The following SLC6A7 variants were observed in gnomAD, a reference collection of about 807,000 sequenced individuals.
SLC6A7 encodes the protein solute carrier family 6 member 7.
SLC6A7 carries 58 observed loss-of-function variants against 73.1 expected under a neutral mutation model. The ratio of observed to expected loss-of-function variants is 0.79; its 90% CI spans 0.64 to 0.99. The LOEUF (loss-of-function observed/expected upper bound fraction) is 0.99. Ranked by LOEUF, SLC6A7 falls within the 50% of genes least tolerant of loss-of-function variation. SLC6A7 has a pLI of 0.00. For missense variants in SLC6A7, 783 were observed against 831.4 expected (o/e 0.94, Z 0.72); for synonymous variants, 338 against 338.7 (o/e 1.00, Z 0.02).
chr5:150,199,389 G>A (rs1753254597), intron 5 of SLC6A7, 23 bp downstream of exon 5: 1 of 1,584,388 alleles, frequency 6.3e-7, no homozygotes, highest in Non-Finnish European at 8.7e-7. Context: ...AGGCCCCGGA[G>A]GCCTGAGGGG....
chr5:150,204,833 A>T lies in SLC6A7; in HGVS notation c.1439A>T (p.Gln480Leu). ...CLAVTRVYGI[Q>L]RFCRDIHMML... Reference sequence around the variant, plus strand: ...CCTCCCCTCCCCTGTGCAGGCATTCAGAGGTTCTGCCGAGACATCCACATG... The same window carrying T: ...CCTCCCCTCCCCTGTGCAGGCATTCTGAGGTTCTGCCGAGACATCCACATG... The change falls in exon 12 of 14, where the codon CAG becomes CTG. Residue 480 changes from glutamine to leucine, a missense_variant. Transcript: ENST00000230671. 6.2e-7 allele frequency: 1 copy of T among 1,607,212 alleles called. No homozygotes were observed. Among genetic ancestry groups the T allele is most frequent in the Non-Finnish European group, 8.5e-7 (1 of 1,174,990 alleles).
At chr5:150,198,961 TGAAGAGGAAGGAA>T (rs796960454) in intron 4 of SLC6A7, among the ~76,000 whole-genome samples, 29 of 151,898 alleles carry the variant, frequency 1.9e-4, no homozygotes, top group African/African-American at 6.5e-4. Flanking sequence ...ACACGGAAGC[TGAAGAGGAAGGAA>T]GAAGAGGAAG....
At chr5:150,198,811 GGTGTGTGTGTGTGT>G (rs774414750) in intron 4 of SLC6A7, among the ~76,000 whole-genome samples, 23 of 112,102 alleles carry the variant, frequency 2.1e-4, no homozygotes, top group South Asian at 6.5e-4. Flanking sequence ...GGCCCTGGAT[GGTGTGTGTGTGTGT>G]GTGTGTGTGT....
chr5:150,207,138 T>TTTTGA (rs1753740177), intron 13 of SLC6A7, among the ~76,000 whole-genome samples: 1 of 152,218 alleles, frequency 6.6e-6, no homozygotes, highest in Non-Finnish European at 1.5e-5. Flanking sequence ...TCTGTCTTTA[T>TTTTGA]TTTTATTTTA....
intron 1 of SLC6A7, among the ~76,000 whole-genome samples, chr5:150,193,749 G>T (rs1752888025): frequency 6.6e-6 from 1 of 152,106 alleles, no homozygotes; most frequent in Non-Finnish European, 1.5e-5. Context: ...CCTCCAGCCT[G>T]GCCACCTGCC....
chr5:150,200,991 C>G (rs1264032677), intron 5 of SLC6A7, 98 bp from the exon 6 acceptor site: 3 of 1,365,084 alleles, frequency 2.2e-6, no homozygotes, highest in Admixed American at 1.7e-5. Flanking sequence ...CTTGGGCTAC[C>G]CAAAGGCTGG....
chr5:150,203,292 G>T (rs1355943256), intron 8 of SLC6A7, among the ~76,000 whole-genome samples: 1 of 152,196 alleles, frequency 6.6e-6, no homozygotes, highest in Non-Finnish European at 1.5e-5. Context: ...CATATTGTGT[G>T]TGGAGGTGTC....
chr5:150,198,115 G>GAAAGAAAGAAAGAGAAAGAA (rs1224170798), intron 4 of SLC6A7, among the ~76,000 whole-genome samples: 1 of 77,534 alleles, frequency 1.3e-5, no homozygotes, highest in Non-Finnish European at 3.1e-5. Flanking sequence ...AAGAAAGAAA[G>GAAAGAAAGAAAGAGAAAGAA]AGAAAGAAAG....
At chr5:150,193,336 C>G (rs1463074618) in intron 1 of SLC6A7, among the ~76,000 whole-genome samples, 1 of 152,208 alleles carries the variant, frequency 6.6e-6, no homozygotes, top group Non-Finnish European at 1.5e-5. Context: ...CTCCGCTCCC[C>G]TCTGGGCATG....
chr5:150,205,341 G>A, intron 12 of SLC6A7, 115 bp from the exon 13 acceptor site: 1 of 798,648 alleles, frequency 1.3e-6, no homozygotes, highest in Non-Finnish European at 2.0e-6. Context: ...TAGGATCCTG[G>A]GTAGCTCTGG....
chr5:150,209,283 G>T lies in SLC6A7; in HGVS notation c.1702-123G>T, dbSNP rs985202594. 4.4e-5 allele frequency: 35 copies of T among 792,878 alleles called. No homozygotes were observed. In the African/African-American group the frequency reaches 5.9e-4, roughly 13 times the overall value. The allele number at this position is 792,878 out of a possible 1,614,324, so 49.1% of individuals were successfully genotyped here. On this transcript the variant is annotated intron_variant, in intron 13 of 13. Coordinates refer to ENST00000230671, the MANE Select transcript of SLC6A7 (RefSeq NM_014228.5). ...CATAGTGCCCCCCACTTCCCCGCCA[G>T]GGGGCTGTGGCCAGGACTCCCCCAG...
rs1272382015 is a variant in SLC6A7 at position 150,197,064 on chromosome 5, C to T, written c.372C>T (p.Leu124=). 3 of 1,613,984 alleles carry T rather than the reference C, an allele frequency of 1.9e-6. No individual in the cohort carries two copies. The highest frequency in any genetic ancestry group is 2.2e-5 in the East Asian group (1 of 44,886). Residue 124 remains leucine, a synonymous_variant, in exon 4 of 14, where the codon CTC becomes CTT. Coordinates refer to ENST00000230671, the MANE Select transcript of SLC6A7 (RefSeq NM_014228.5). ...CAGGCGCCGGCGCAGCCATGCTGCT[C>T]ATCGTGGGCTTGGTGGCCATCTACT... ...LFKGAGAAML[L]IVGLVAIYYN...
intron 4 of SLC6A7, 106 bp from the exon 5 acceptor site, chr5:150,199,122 A>G (rs1334329411): frequency 1.7e-5 from 24 of 1,405,738 alleles, no homozygotes; most frequent in Non-Finnish European, 1.9e-5. Context: ...AGAGGGCGTC[A>G]AGTGGAGAAC....
At chr5:150,206,457 CA>C (rs2113988650) in intron 13 of SLC6A7, among the ~76,000 whole-genome samples, 1 of 152,248 alleles carries the variant, frequency 6.6e-6, no homozygotes, top group East Asian at 1.9e-4. Flanking sequence ...ATATTTACAC[CA>C]CAGAAAATGG....
At position 150,202,549 on chromosome 5, in the gene SLC6A7, C is replaced by A. The variant is rs753365265; in HGVS notation, c.963-30C>A. 3.1e-6 allele frequency: 5 copies of A among 1,612,748 alleles called. No individual in the cohort carries two copies. In the South Asian group the frequency reaches 3.3e-5, roughly 11 times the overall value. ...GAGGCTGAAAGGAAGGCCCACTCAC[C>A]CTGGCCCGCACCTGGACTTCTTCTG... is the stretch of plus-strand genomic sequence containing the variant. On this transcript the variant is annotated intron_variant, in intron 7 of 13. Transcript: ENST00000230671.
At position 150,199,324 on chromosome 5, in the gene SLC6A7, C is replaced by T. The variant is rs774970547; in HGVS notation, c.681C>T (p.Ile227=). 7.4e-6 allele frequency: 12 copies of T among 1,614,126 alleles called. No individual in the cohort carries two copies. The highest frequency in any genetic ancestry group is 1.3e-5 in the African/African-American group (1 of 75,064). Residue 227 remains isoleucine, a synonymous_variant, in exon 5 of 14, where the codon ATC becomes ATT. Transcript: ENST00000230671. ...LCLCLLLAWV[I]VFLCILKGVK... ...TCTGCCTGCTGCTGGCCTGGGTCAT[C>T]GTGTTCCTCTGTATCCTCAAGGGTG... is the stretch of plus-strand genomic sequence containing the variant.
Position 150,197,167 on chromosome 5 carries a change from A to T in SLC6A7, c.475A>T (p.Asn159Tyr). ...TSDLPWEHCG[N>Y]WWNTELCLEH... ...CGACCTACCCTGGGAGCACTGTGGC[A>T]ACTGGTGGAACACAGAACTCTGCCT... Residue 159 changes from asparagine to tyrosine, a missense_variant, in exon 4 of 14, where the codon AAC (asparagine) becomes TAC (tyrosine). By Grantham distance (143) the Asn-to-Tyr change is moderately radical (BLOSUM62 -2). Transcript: ENST00000230671. The T allele has an allele frequency of 6.2e-7, 1 of 1,614,056 alleles. No homozygotes were observed.
intron 10 of SLC6A7, 77 bp from the exon 11 acceptor site, chr5:150,204,455 A>T: frequency 1.8e-6 from 2 of 1,134,636 alleles, no homozygotes; most frequent in African/African-American, 1.5e-5. Context: ...CTTCCTGCTC[A>T]CTTCTTGCCA....
intron 7 of SLC6A7, 27 bp downstream of exon 7, chr5:150,202,477 C>G: frequency 3.7e-6 from 6 of 1,611,222 alleles, no homozygotes; most frequent in Non-Finnish European, 4.2e-6. Flanking sequence ...CTCCCAGACC[C>G]TGGGGTCCAA....
Sources: allele counts gnomAD v4.1 joint callset (sites outside exome capture counted in the v4.1 genomes callset), GRCh38; gene constraint gnomAD v4.1.1; transcripts MANE v1.5; gene names NCBI Gene and HGNC (gene_info 2026-07-23, HGNC 2026-07-21).